MDGA2: variants seen among roughly 807,000 people sequenced by gnomAD.
MDGA2 encodes MAM domain-containing glycosylphosphatidylinositol anchor protein 2.
Under a neutral mutation model 117.8 loss-of-function variants are expected in MDGA2, and 40 were observed. The ratio of observed to expected loss-of-function variants is 0.34; its 90% CI spans 0.26 to 0.44. The LOEUF (loss-of-function observed/expected upper bound fraction) is 0.44, where lower values mean the gene tolerates loss of function less well. Among genes scored for constraint, MDGA2 ranks in the 20% least tolerant of loss-of-function variants. MDGA2 has a pLI of 1.00. For missense variants in MDGA2, 1,123 were observed against 1,250.6 expected (o/e 0.90, Z 1.54); for synonymous variants, 452 against 439.0 (o/e 1.03, Z -0.37).
intron 1 of MDGA2, among the ~76,000 whole-genome samples, chr14:47,638,740 T>G (rs1897367971): frequency 6.6e-6 from 1 of 152,184 alleles, no homozygotes. Context: ...CAGGCCTCTC[T>G]CATACAGGTT....
chr14:47,400,799 C>G (rs1435480605), intron 1 of MDGA2, among the ~76,000 whole-genome samples: 4 of 91,978 alleles, frequency 4.3e-5, no homozygotes, highest in African/African-American at 1.8e-4. Context: ...CTCTGTCACC[C>G]AGGCTAGAGT....
intron 1 of MDGA2, among the ~76,000 whole-genome samples, chr14:47,571,763 C>CGGGGGGGGGG (rs1566521355): frequency 7.1e-6 from 1 of 140,886 alleles, no homozygotes; most frequent in South Asian, 2.4e-4. Flanking sequence ...GGGGGGCGGT[C>CGGGGGGGGGG]GGGGGATAGG....
intron 5 of MDGA2, among the ~76,000 whole-genome samples, chr14:47,112,896 C>T (rs1881121778): frequency 6.6e-6 from 1 of 152,134 alleles, no homozygotes; most frequent in Non-Finnish European, 1.5e-5. Flanking sequence ...ACAGCCTCAC[C>T]AGCATTGGTT....
intron 9 of MDGA2, among the ~76,000 whole-genome samples, chr14:46,947,326 T>C (rs1280928300): frequency 2.0e-5 from 3 of 152,148 alleles, no homozygotes; most frequent in Non-Finnish European, 2.9e-5. Context: ...AATTATCTGC[T>C]TTATCTCTAT....
At chr14:47,086,522 T>G (rs928119447) in intron 6 of MDGA2, among the ~76,000 whole-genome samples, 2 of 152,090 alleles carry the variant, frequency 1.3e-5, no homozygotes, top group Non-Finnish European at 2.9e-5. Flanking sequence ...AAAATAAGTT[T>G]TAAGCATTAT....
intron 1 of MDGA2, among the ~76,000 whole-genome samples, chr14:47,540,540 G>GTGTGTGTGTATATATATATATATA: frequency 7.6e-5 from 6 of 79,184 alleles, no homozygotes; most frequent in African/African-American, 1.6e-4. Flanking sequence ...GTGTGTGTGT[G>GTGTGTGTGTATATATATATATATA]TATATATATA....
chr14:47,496,071 T>C (rs1362324594), intron 1 of MDGA2, among the ~76,000 whole-genome samples: 1 of 152,118 alleles, frequency 6.6e-6, no homozygotes, highest in African/African-American at 2.4e-5. Flanking sequence ...TTAAAATATA[T>C]TTTTTCATTC....
intron 3 of MDGA2, among the ~76,000 whole-genome samples, chr14:47,147,334 C>T (rs1286567087): frequency 6.6e-6 from 1 of 152,104 alleles, no homozygotes. Flanking sequence ...AGAAATGGTT[C>T]TGGGAAGTAT....
At chr14:47,199,589 T>C (rs1049007576) in intron 3 of MDGA2, among the ~76,000 whole-genome samples, 1 of 152,074 alleles carries the variant, frequency 6.6e-6, no homozygotes, top group African/African-American at 2.4e-5. Flanking sequence ...GTCATACAAA[T>C]AACATAACAG....
At chr14:47,220,431 C>T (rs1290366482) in intron 2 of MDGA2, among the ~76,000 whole-genome samples, 1 of 152,168 alleles carries the variant, frequency 6.6e-6, no homozygotes, top group African/African-American at 2.4e-5. Context: ...TCCCAGCCAT[C>T]CATTTAGCCA....
intron 2 of MDGA2, among the ~76,000 whole-genome samples, chr14:47,288,811 GT>G (rs138114216): frequency 0.091 from 13,867 of 152,070 alleles, 783 homozygotes; most frequent in Non-Finnish European, 0.11. Flanking sequence ...TTATTTTTCG[GT>G]TCTGGAAATA....
At chr14:47,167,233 T>G (rs957580700) in intron 3 of MDGA2, among the ~76,000 whole-genome samples, 3 of 152,174 alleles carry the variant, frequency 2.0e-5, no homozygotes, top group African/African-American at 7.2e-5. Flanking sequence ...AGTAACTGGA[T>G]AAAACAAATT....
chr14:47,006,405 A>G (rs1190395840), intron 8 of MDGA2, among the ~76,000 whole-genome samples: 1 of 140,210 alleles, frequency 7.1e-6, no homozygotes, highest in African/African-American at 2.7e-5. Context: ...TATAATTAAA[A>G]TTATATTTAT....
At chr14:47,303,573 T>C (rs1167126238) in intron 1 of MDGA2, among the ~76,000 whole-genome samples, 1 of 152,146 alleles carries the variant, frequency 6.6e-6, no homozygotes, top group East Asian at 1.9e-4. Flanking sequence ...GTAATACTAG[T>C]GAAGTACTTA....
At chr14:47,221,775 G>T (rs979679178) in intron 2 of MDGA2, among the ~76,000 whole-genome samples, 9 of 149,932 alleles carry the variant, frequency 6.0e-5, no homozygotes, top group African/African-American at 1.5e-4. Context: ...AAAGGTAAAA[G>T]AAAAATGTAT....
intron 1 of MDGA2, among the ~76,000 whole-genome samples, chr14:47,495,085 G>T (rs1326570658): frequency 2.6e-5 from 4 of 151,764 alleles, no homozygotes; most frequent in Non-Finnish European, 5.9e-5. Context: ...ATACTACTCA[G>T]CCATAAAAAG....
intron 1 of MDGA2, among the ~76,000 whole-genome samples, chr14:47,331,836 T>C (rs1260169911): frequency 6.6e-6 from 1 of 152,006 alleles, no homozygotes; most frequent in Non-Finnish European, 1.5e-5. Context: ...TTTTCATTTC[T>C]AAATCTCAAA....
intron 1 of MDGA2, among the ~76,000 whole-genome samples, chr14:47,321,811 C>T (rs1238640832): frequency 6.6e-6 from 1 of 152,148 alleles, no homozygotes; most frequent in Non-Finnish European, 1.5e-5. Context: ...TGGAAAATTG[C>T]TATGCCTTTA....
At chr14:47,248,310 T>A (rs1012963473) in intron 2 of MDGA2, among the ~76,000 whole-genome samples, 2 of 151,588 alleles carry the variant, frequency 1.3e-5, no homozygotes, top group Admixed American at 1.3e-4. Flanking sequence ...GACGGAATAA[T>A]AGGAATAGAA....
Sources: gnomAD v4.1 joint callset for allele counts (sites outside exome capture counted in the v4.1 genomes callset) on GRCh38, gnomAD v4.1.1 for gene constraint, MANE v1.5 for transcripts, NCBI Gene and HGNC (gene_info 2026-07-23, HGNC 2026-07-21) for gene names.